The following SPAG16 variants were observed in gnomAD, a reference collection of about 807,000 sequenced individuals.
SPAG16 encodes sperm associated antigen 16.
SPAG16 carries 86 observed loss-of-function variants against 80.4 expected under a neutral mutation model. That is an observed-to-expected ratio of 1.07 (90% CI 0.90 to 1.28). The LOEUF is 1.28. SPAG16 is among the 50% of genes most tolerant of loss of function. SPAG16 has a pLI of 0.00. For missense variants in SPAG16, 870 were observed against 765.3 expected (o/e 1.14, Z -1.61); for synonymous variants, 294 against 265.9 (o/e 1.11, Z -1.03).
At chr2:213,438,697 C>T (rs893783622) in intron 9 of SPAG16, among the ~76,000 whole-genome samples, 13 of 152,144 alleles carry the variant, frequency 8.5e-5, no homozygotes, top group Non-Finnish European at 1.5e-4. Context: ...AGATGGTACT[C>T]CTGGGATTAT....
At chr2:213,980,696 A>ATG (rs144847368) in intron 12 of SPAG16, among the ~76,000 whole-genome samples, 1,753 of 100,264 alleles carry the variant, frequency 0.017, 27 homozygotes, top group South Asian at 0.031. Flanking sequence ...TATAGAATAT[A>ATG]TGTGTGTGTG....
intron 1 of SPAG16, among the ~76,000 whole-genome samples, chr2:213,287,768 C>T (rs1443597702): frequency 6.6e-6 from 1 of 152,164 alleles, no homozygotes; most frequent in East Asian, 1.9e-4. Context: ...CTTTCTGAAA[C>T]TCCAAAATTA....
intron 11 of SPAG16, chr2:213,923,844 G>C (rs998756156): frequency 6.6e-6 from 1 of 152,498 alleles, no homozygotes; most frequent in African/African-American, 2.4e-5. Flanking sequence ...GGGATGACTG[G>C]GCTGGAGGCT....
At chr2:214,115,041 T>G (rs149363766) in intron 14 of SPAG16, among the ~76,000 whole-genome samples, 56 of 152,258 alleles carry the variant, frequency 3.7e-4, no homozygotes, top group Non-Finnish European at 3.4e-4. Context: ...ATTAAAATTT[T>G]CCATTAATTG....
At chr2:213,957,731 A>G (rs1350665977) in intron 12 of SPAG16, among the ~76,000 whole-genome samples, 7 of 152,148 alleles carry the variant, frequency 4.6e-5, no homozygotes, top group African/African-American at 1.2e-4. Flanking sequence ...AAATGTTTCA[A>G]TTACTTCCTT....
intron 9 of SPAG16, among the ~76,000 whole-genome samples, chr2:213,402,073 T>A (rs915538400): frequency 6.6e-6 from 1 of 152,110 alleles, no homozygotes; most frequent in Admixed American, 6.5e-5. Context: ...TATTTCAATT[T>A]ATCTACAAAT....
intron 10 of SPAG16, among the ~76,000 whole-genome samples, chr2:213,643,512 G>A (rs1423659283): frequency 6.8e-6 from 1 of 147,516 alleles, no homozygotes; most frequent in Non-Finnish European, 1.5e-5. Context: ...TCTGCTTGGT[G>A]TTCTACAACC....
chr2:213,371,141 G>A (rs2066606112), intron 8 of SPAG16, among the ~76,000 whole-genome samples: 1 of 152,104 alleles, frequency 6.6e-6, no homozygotes, highest in South Asian at 2.1e-4. Flanking sequence ...GTGCGTGGTG[G>A]CTCACGCCTG....
chr2:213,922,185 C>G (rs1377581845), intron 11 of SPAG16, among the ~76,000 whole-genome samples: 1 of 152,186 alleles, frequency 6.6e-6, no homozygotes, highest in African/African-American at 2.4e-5. Flanking sequence ...CATCTATTTA[C>G]ATAATCCTAT....
intron 10 of SPAG16, among the ~76,000 whole-genome samples, chr2:213,496,254 G>A (rs1300496701): frequency 2.0e-5 from 3 of 149,460 alleles, no homozygotes; most frequent in Admixed American, 6.6e-5. Context: ...GAGTCGACAG[G>A]ATTTTCTGTT....
At chr2:213,945,914 A>G (rs1160139877) in intron 12 of SPAG16, among the ~76,000 whole-genome samples, 1 of 152,208 alleles carries the variant, frequency 6.6e-6, no homozygotes, top group Non-Finnish European at 1.5e-5. Context: ...TTTGCGAACA[A>G]TACACCTTCT....
intron 15 of SPAG16, among the ~76,000 whole-genome samples, chr2:214,179,395 A>G (rs1047753105): frequency 6.6e-6 from 1 of 151,362 alleles, no homozygotes; most frequent in Non-Finnish European, 1.5e-5. Flanking sequence ...TGCTTCTTTT[A>G]TAGAAGAAAC....
intron 13 of SPAG16, among the ~76,000 whole-genome samples, chr2:214,058,268 C>T (rs2050048007): frequency 6.6e-6 from 1 of 152,130 alleles, no homozygotes; most frequent in African/African-American, 2.4e-5. Flanking sequence ...TTCCTTTTAA[C>T]TTGAACACTT....
intron 9 of SPAG16, among the ~76,000 whole-genome samples, chr2:213,436,968 G>A (rs1404992815): frequency 1.3e-5 from 2 of 151,594 alleles, no homozygotes; most frequent in Non-Finnish European, 2.9e-5. Context: ...CTGGAGTGCA[G>A]TGGCATGATC....
rs964677996 is a variant in SPAG16, at chr2:213,720,471, C to G, written c.1071-142014C>G. 7.3e-3 allele frequency among the ~76,000 whole-genome samples: 987 copies of G among 135,682 alleles called. 14 individuals carry two copies. The highest frequency in any genetic ancestry group is 0.026 in the African/African-American group (946 of 35,898). 89.0% of individuals were successfully genotyped at this position (135,682 alleles called of 152,430 possible). On this transcript the variant is annotated intron_variant, in intron 10 of 15. Coordinates refer to ENST00000331683, the MANE Select transcript of SPAG16 (RefSeq NM_024532.5). ...TGAAACCCCATCTCTACTAAAAATA[C>G]AAAAAAAAAAAAAAAAATTAGCTGG...
Position 213,489,990 on chromosome 2 carries a change from C to A in SPAG16, c.970C>A (p.Pro324Thr), listed in dbSNP as rs10167688. ...KDSEFPIDMQ[P>T]NPNLNVSKES... is the part of the protein sequence containing the mutation. The stretch of plus-strand genomic sequence containing the variant: ...TTCAGAATTTCCCATAGATATGCAA[C>A]CAAATCCAAACCTGAATGTTTCTAA... The change falls in exon 10 of 16, where the codon CCA becomes ACA. Residue 324 changes from proline to threonine, a missense_variant. By Grantham distance (38) the Pro-to-Thr change is conservative (BLOSUM62 -1). Transcript: ENST00000331683. The A allele has an allele frequency of 4.8e-3, 7,689 of 1,606,586 alleles. 311 individuals are homozygous for A. The African/African-American group carries it at 0.085, about 18-fold the overall frequency.
At chr2:213,752,354 G>T (rs2068115558) in intron 10 of SPAG16, among the ~76,000 whole-genome samples, 1 of 151,750 alleles carries the variant, frequency 6.6e-6, no homozygotes, top group Non-Finnish European at 1.5e-5. Context: ...TATGATTTTT[G>T]ACTCCCCTCT....
chr2:213,652,601 G>A (rs942875130), intron 10 of SPAG16, among the ~76,000 whole-genome samples: 14 of 152,020 alleles, frequency 9.2e-5, no homozygotes, highest in African/African-American at 3.1e-4. Flanking sequence ...AACAGGTAGT[G>A]ATATATTGTC....
chr2:213,369,785 T>TCCATATACCACCTGCCCCCAC (rs997736108), intron 8 of SPAG16, among the ~76,000 whole-genome samples: 6 of 152,076 alleles, frequency 3.9e-5, no homozygotes, highest in Admixed American at 6.6e-5. Flanking sequence ...ACAGTGATTT[T>TCCATATACCACCTGCCCCCAC]CCATATACCA....
Sources: gnomAD v4.1 joint callset for allele counts (sites outside exome capture counted in the v4.1 genomes callset) on GRCh38, gnomAD v4.1.1 for gene constraint, MANE v1.5 for transcripts, NCBI Gene and HGNC (gene_info 2026-07-23, HGNC 2026-07-21) for gene names.